Variants in SDK2 observed in about 807,000 individuals in gnomAD.
SDK2 encodes protein sidekick-2.
In SDK2, 105 loss-of-function variants were observed where a neutral mutation model predicts 253.9. The ratio of observed to expected loss-of-function variants is 0.41; its 90% CI spans 0.35 to 0.49. SDK2 has a LOEUF of 0.49. Ranked by LOEUF, SDK2 falls within the 20% of genes least tolerant of loss-of-function variation. The probability of loss-of-function intolerance (pLI) is 0.06; values close to 1 mark genes in which losing one functional copy is unlikely to be tolerated. For missense variants in SDK2, 2,608 were observed against 3,003.0 expected, an observed-to-expected ratio of 0.87 and a Z score of 3.07; for synonymous variants, 1,249 against 1,234.9, an observed-to-expected ratio of 1.01 and a Z score of -0.24.
intron 3 of SDK2, among the ~76,000 whole-genome samples, chr17:73,468,700 T>A (rs556211294): frequency 6.0e-5 from 9 of 151,124 alleles, no homozygotes; most frequent in Middle Eastern, 3.4e-3. Flanking sequence ...ATTTTTTTTT[T>A]ATTTTTAGTA....
In SDK2 at chr17:73,447,490, C is replaced by T. The variant is rs144148219; in HGVS notation, c.613+125G>A. On this transcript the variant is annotated intron_variant, in intron 5 of 44. Coordinates refer to ENST00000392650, the MANE Select transcript of SDK2 (RefSeq NM_001144952.2). This position sits in a 1 kb window ranked among gnomAD's most constrained non-coding sequence, Gnocchi z 4.0. Reference sequence around the variant, plus strand: ...TCGTCCTCCTTGGGAAGGCTCCCCCCGGCCGTCCCCTAGCTTCCCTGTCCC... The same window carrying T: ...TCGTCCTCCTTGGGAAGGCTCCCCCTGGCCGTCCCCTAGCTTCCCTGTCCC... 615 of 1,380,552 alleles carry T rather than the reference C, an allele frequency of 4.5e-4. 2 individuals are homozygous for T. The African/African-American group carries it at 6.9e-3, about 16-fold the overall frequency. The allele number at this position is 1,380,552 out of a possible 1,614,324, so 85.5% of individuals were successfully genotyped here.
intron 17 of SDK2, 76 bp downstream of exon 17, chr17:73,415,735 C>T (rs966176851): frequency 7.1e-5 from 93 of 1,314,400 alleles, no homozygotes; most frequent in Admixed American, 2.8e-4. Context: ...GCAATCCTCC[C>T]GTCTTGGCGT....
At chr17:73,472,259 C>T in intron 2 of SDK2, 41 bp from the exon 3 acceptor site, 1 of 1,451,324 alleles carries the variant, frequency 6.9e-7, no homozygotes, top group Non-Finnish European at 9.5e-7. Context: ...AGTCAGGCAG[C>T]TGCAGGGGTA....
At chr17:73,342,676 T>G (rs1454469402) in intron 44 of SDK2, among the ~76,000 whole-genome samples, 4 of 152,136 alleles carry the variant, frequency 2.6e-5, no homozygotes, top group Non-Finnish European at 5.9e-5. Context: ...AAGGAACCCC[T>G]GGGTGACTGT....
At chr17:73,483,619 A>G (rs112176737) in intron 2 of SDK2, among the ~76,000 whole-genome samples, 1 of 133,904 alleles carries the variant, frequency 7.5e-6, no homozygotes, top group Non-Finnish European at 1.6e-5. Context: ...ATATATGTAT[A>G]TATATGTATA....
chr17:73,432,374 A>C (rs1278796315), intron 10 of SDK2, among the ~76,000 whole-genome samples: 1 of 152,104 alleles, frequency 6.6e-6, no homozygotes, highest in Non-Finnish European at 1.5e-5. Context: ...AAGGAAGGGA[A>C]TCTCCATGTG....
At chr17:73,489,869 CAA>C in intron 2 of SDK2, among the ~76,000 whole-genome samples, 1 of 152,072 alleles carries the variant, frequency 6.6e-6, no homozygotes. Context: ...ATTTGGCCAA[CAA>C]AAAAGTGAAA....
chr17:73,525,509 T>C (rs931090835), intron 1 of SDK2, among the ~76,000 whole-genome samples: 1 of 151,976 alleles, frequency 6.6e-6, no homozygotes, highest in African/African-American at 2.4e-5. Context: ...AGATTGTCAA[T>C]AGGATGAATG....
chr17:73,466,934 T>TG (rs1387061767), intron 3 of SDK2, among the ~76,000 whole-genome samples: 1 of 152,128 alleles, frequency 6.6e-6, no homozygotes, highest in Non-Finnish European at 1.5e-5. Flanking sequence ...GTGCCTCGGT[T>TG]GGGGCGAGAA....
intron 12 of SDK2, among the ~76,000 whole-genome samples, chr17:73,428,217 G>A (rs2063298410): frequency 6.6e-6 from 1 of 152,116 alleles, no homozygotes; most frequent in African/African-American, 2.4e-5. Flanking sequence ...AGCACTTTGG[G>A]AGGCTGAGCT....
intron 1 of SDK2, chr17:73,521,337 T>C (rs980882474): frequency 2.6e-5 from 4 of 151,956 alleles, no homozygotes; most frequent in African/African-American, 9.7e-5. Flanking sequence ...AGTCTTAAAA[T>C]GGCTAATTTT....
chr17:73,438,380 T>C (rs2063387861), intron 6 of SDK2, among the ~76,000 whole-genome samples: 1 of 152,188 alleles, frequency 6.6e-6, no homozygotes, highest in South Asian at 2.1e-4. Flanking sequence ...CAGGGGGTTG[T>C]AGCCAAGATG....
intron 1 of SDK2, among the ~76,000 whole-genome samples, chr17:73,582,358 G>A (rs1405688906): frequency 6.6e-6 from 1 of 152,184 alleles, no homozygotes; most frequent in Non-Finnish European, 1.5e-5. Flanking sequence ...ACACCATGCA[G>A]GCATCAGCAT....
At chr17:73,388,776 TTCCTTCCTTCCTTCCCTCCC>T (rs1191580854) in intron 29 of SDK2, among the ~76,000 whole-genome samples, 1 of 57,152 alleles carries the variant, frequency 1.7e-5, no homozygotes, top group East Asian at 6.7e-4. Context: ...CTCCCTCTCC[TTCCTTCCTTCCTTCCCTCCC>T]TCCTTCCTTC....
intron 3 of SDK2, among the ~76,000 whole-genome samples, chr17:73,466,726 C>T (rs1253509700): frequency 7.0e-6 from 1 of 143,512 alleles, no homozygotes. Flanking sequence ...CCCCCCCCCC[C>T]CGGCTTAGGC....
chr17:73,366,406 C>T (rs2062685899), intron 37 of SDK2, among the ~76,000 whole-genome samples: 1 of 152,122 alleles, frequency 6.6e-6, no homozygotes, highest in Admixed American at 6.5e-5. Context: ...CCGTCAGACC[C>T]TGGGGGTAGT....
chr17:73,571,492 C>T (rs1046909123), intron 1 of SDK2, among the ~76,000 whole-genome samples: 9 of 152,220 alleles, frequency 5.9e-5, no homozygotes, highest in Admixed American at 4.6e-4. Flanking sequence ...CTGAGCCCAT[C>T]GATCTGGGTC....
chr17:73,534,418 A>ACGATTGC lies in SDK2; in HGVS notation c.65-26828_65-26822dup, dbSNP rs559645682. ...CTGGGACAGAGGCAGTGCTAAAGAG[A>ACGATTGC]CGATTGCCGACAGATGCCTGACCTC... is the stretch of plus-strand genomic sequence containing the variant. On this transcript the variant is annotated intron_variant, in intron 1 of 44. Transcript: ENST00000392650. The surrounding 1 kb of genome is among the most constrained non-coding windows in gnomAD (Gnocchi z 4.9). Among the ~76,000 whole-genome samples the ACGATTGC allele has an allele frequency of 5.1e-4, 78 of 152,068 alleles. 1 individual carries two copies. In the East Asian group the frequency reaches 0.01, roughly 20 times the overall value.
At chr17:73,396,038 T>C (rs1456692742) in intron 24 of SDK2, among the ~76,000 whole-genome samples, 1 of 152,160 alleles carries the variant, frequency 6.6e-6, no homozygotes, top group Non-Finnish European at 1.5e-5. Flanking sequence ...GCTGGGACTA[T>C]AGGCGTGTGC....
Sources: gnomAD v4.1 joint callset for allele counts (sites outside exome capture counted in the v4.1 genomes callset) on GRCh38, gnomAD v4.1.1 for gene constraint, Gnocchi (gnomAD v3.1) non-coding constraint, MANE v1.5 for transcripts, NCBI Gene and HGNC (gene_info 2026-07-23, HGNC 2026-07-21) for gene names.